The following KLF12 variants were observed in gnomAD, a reference collection of about 807,000 sequenced individuals.
KLF12 encodes the protein Krueppel-like factor 12.
A neutral mutation model predicts 37.8 loss-of-function variants in KLF12; 9 were observed. The ratio of observed to expected loss-of-function variants is 0.24; its 90% CI spans 0.14 to 0.42. The LOEUF (loss-of-function observed/expected upper bound fraction) is 0.42. Among genes scored for constraint, KLF12 ranks in the 10% least tolerant of loss-of-function variants. KLF12 has a pLI of 1.00. For synonymous variants in KLF12, 208 were observed against 202.1 expected, an observed-to-expected ratio of 1.03 and a Z score of -0.25; for missense variants, 411 against 516.0, an observed-to-expected ratio of 0.80 and a Z score of 1.97.
At chr13:74,075,435 T>C (rs560168844) in intron 1 of KLF12, among the ~76,000 whole-genome samples, 13 of 152,326 alleles carry the variant, frequency 8.5e-5, no homozygotes, top group South Asian at 4.1e-4. Context: ...GAAACTTAAA[T>C]TGGCTAACTA....
intron 6 of KLF12, among the ~76,000 whole-genome samples, chr13:73,749,400 T>C (rs1444533963): frequency 6.6e-6 from 1 of 152,120 alleles, no homozygotes; most frequent in African/African-American, 2.4e-5. Context: ...GGTGTGACAA[T>C]TAAAACTAAA....
chr13:73,995,795 C>T (rs1366495086), intron 1 of KLF12, among the ~76,000 whole-genome samples: 2 of 152,198 alleles, frequency 1.3e-5, no homozygotes, highest in Non-Finnish European at 2.9e-5. Context: ...ATATATCTTA[C>T]AAGTCTTCCT....
chr13:74,201,606 G>A, the KLF12 span, among the ~76,000 whole-genome samples: 583 of 152,108 alleles, frequency 3.8e-3, 6 homozygotes, highest in African/African-American at 0.013. Context: ...TGGATCTAAA[G>A]TTACTTTTGA....
rs188496265 is a variant in KLF12 at position 74,035,528 on chromosome 13, T to C, written c.-31-40475A>G. Among the ~76,000 whole-genome samples, 66 of 152,358 alleles carry C rather than the reference T, an allele frequency of 4.3e-4. 1 individual carries two copies. The highest frequency in any genetic ancestry group is 1.5e-3 in the African/African-American group (64 of 41,584). On this transcript the variant is annotated intron_variant, in intron 1 of 7. Coordinates refer to ENST00000377669, the MANE Select transcript of KLF12 (RefSeq NM_007249.5). The stretch of plus-strand genomic sequence containing the variant: ...AAGAAAAATTCATAGTACATTTTTT[T>C]GTTTTGTTCTCATTTGTTTGTTTTT...
At chr13:73,739,230 T>A (rs1031487153) in intron 6 of KLF12, among the ~76,000 whole-genome samples, 1 of 109,682 alleles carries the variant, frequency 9.1e-6, no homozygotes, top group Non-Finnish European at 1.9e-5. Context: ...TGAGACTCTG[T>A]CTCAAATTAA....
chr13:73,941,287 T>C (rs1890175396), intron 3 of KLF12, among the ~76,000 whole-genome samples: 1 of 152,160 alleles, frequency 6.6e-6, no homozygotes, highest in East Asian at 1.9e-4. Flanking sequence ...CTGGGCATGG[T>C]GGCACATGTC....
At chr13:74,272,389 G>A in the KLF12 span, among the ~76,000 whole-genome samples, 2 of 152,190 alleles carry the variant, frequency 1.3e-5, no homozygotes, top group Non-Finnish European at 1.5e-5. Context: ...TGAGAGGATG[G>A]TATAGCAAAA....
chr13:73,979,665 CTAAATAAA>C (rs1345418204), intron 2 of KLF12, among the ~76,000 whole-genome samples: 1 of 151,954 alleles, frequency 6.6e-6, no homozygotes, highest in Non-Finnish European at 1.5e-5. Flanking sequence ...ATGAAATAAA[CTAAATAAA>C]GCACAAGGGG....
In KLF12 at chr13:73,952,904, T is replaced by C. The variant is rs538087955; in HGVS notation, c.34-8834A>G. On this transcript the variant is annotated intron_variant, in intron 2 of 7. Coordinates refer to ENST00000377669, the MANE Select transcript of KLF12 (RefSeq NM_007249.5). ...CACCACAACAGGACATGGGAAGAGG[T>C]GGTGAGGTCACAGTGGCAGTGGGAA... Among the ~76,000 whole-genome samples the C allele has an allele frequency of 4.0e-3, 603 of 152,084 alleles. 3 individuals are homozygous for C. Among genetic ancestry groups the C allele is most frequent in the African/African-American group, 0.013 (558 of 41,476 alleles).
chr13:73,889,836 A>C (rs764889504), intron 3 of KLF12, among the ~76,000 whole-genome samples: 1 of 152,154 alleles, frequency 6.6e-6, no homozygotes, highest in African/African-American at 2.4e-5. Context: ...AAATAAAAGG[A>C]ACTAAATATA....
chr13:73,959,851 T>C (rs1890965389), intron 2 of KLF12, among the ~76,000 whole-genome samples: 1 of 152,180 alleles, frequency 6.6e-6, no homozygotes. Context: ...CCTAATAGTT[T>C]AGTCTGAAAG....
chr13:74,270,513 T>C, the KLF12 span, among the ~76,000 whole-genome samples: 2 of 152,238 alleles, frequency 1.3e-5, no homozygotes, highest in African/African-American at 4.8e-5. Flanking sequence ...GCTACAGGCA[T>C]GAAGCATACT....
intron 3 of KLF12, among the ~76,000 whole-genome samples, chr13:73,931,162 T>C (rs1889658603): frequency 6.6e-6 from 1 of 152,196 alleles, no homozygotes. Flanking sequence ...TAGCCACATA[T>C]TTTAATTTTC....
At chr13:74,286,849 G>A in the KLF12 span, among the ~76,000 whole-genome samples, 1 of 152,150 alleles carries the variant, frequency 6.6e-6, no homozygotes, top group Non-Finnish European at 1.5e-5. Flanking sequence ...CCTTCCATGA[G>A]TTTTATGTCT....
At chr13:74,279,125 C>T in the KLF12 span, among the ~76,000 whole-genome samples, 1 of 152,316 alleles carries the variant, frequency 6.6e-6, no homozygotes, top group Non-Finnish European at 1.5e-5. Flanking sequence ...GTTCTAGACT[C>T]ATTCTTTCCC....
At chr13:74,040,194 T>A (rs1295093978) in intron 1 of KLF12, among the ~76,000 whole-genome samples, 1 of 152,194 alleles carries the variant, frequency 6.6e-6, no homozygotes, top group East Asian at 1.9e-4. Context: ...AGCCACAGAC[T>A]AAGGGAAAAA....
intron 1 of KLF12, among the ~76,000 whole-genome samples, chr13:74,033,889 T>A (rs951539201): frequency 1.3e-5 from 2 of 152,006 alleles, no homozygotes; most frequent in African/African-American, 4.8e-5. Context: ...TCAGTGCATA[T>A]ATATGTGTAG....
intron 2 of KLF12, among the ~76,000 whole-genome samples, chr13:73,970,357 GT>G (rs34226117): frequency 1.3e-3 from 182 of 144,344 alleles, no homozygotes; most frequent in Middle Eastern, 3.6e-3. Context: ...ACTGGTGCTG[GT>G]TTTTTTTTTT....
In KLF12 at chr13:73,846,289, A is replaced by T; in HGVS notation, c.208T>A (p.Leu70Ile). ...TGTGTTTGGAAGTGATCTACAGATA[A>T]CGAGTCCTCCGGGGGCTCCCCTTTC... The change falls in exon 4 of 8, where the codon TTA becomes ATA. Residue 70 changes from leucine to isoleucine, a missense_variant. Around this residue, in one of 2 missense-constraint regions of KLF12, gnomAD observed 351 missense variants for 397.8 expected, o/e 0.88. Transcript: ENST00000377669. 6.2e-7 allele frequency: 1 copy of T among 1,614,104 alleles called. No homozygotes were observed. Among genetic ancestry groups the T allele is most frequent in the Non-Finnish European group, 8.5e-7 (1 of 1,179,996 alleles).
Sources: gnomAD v4.1 joint callset for allele counts (sites outside exome capture counted in the v4.1 genomes callset) on GRCh38, gnomAD v4.1.1 for gene constraint, gnomAD v4.1.1 regional missense constraint, MANE v1.5 for transcripts, NCBI Gene and HGNC (gene_info 2026-07-23, HGNC 2026-07-21) for gene names.